Variants in KLHL29 observed in about 807,000 individuals in gnomAD.
The protein encoded by KLHL29 is kelch like family member 29.
Under a neutral mutation model 80.4 loss-of-function variants are expected in KLHL29, and 21 were observed. The ratio of observed to expected loss-of-function variants is 0.26; its 90% CI spans 0.19 to 0.38. The LOEUF is 0.38. Among genes scored for constraint, KLHL29 ranks in the 10% least tolerant of loss-of-function variants. The probability of loss-of-function intolerance (pLI) is 1.00; values close to 1 mark genes in which losing one functional copy is unlikely to be tolerated. For missense variants in KLHL29, 867 were observed against 1,223.9 expected, an observed-to-expected ratio of 0.71 and a Z score of 4.35; for synonymous variants, 511 against 526.8, an observed-to-expected ratio of 0.97 and a Z score of 0.41.
intron 5 of KLHL29, among the ~76,000 whole-genome samples, chr2:23,664,922 C>G (rs1670512495): frequency 6.6e-6 from 1 of 152,222 alleles, no homozygotes; most frequent in African/African-American, 2.4e-5. Context: ...AGGGAATCTC[C>G]CAAACAGCCT....
Position 23,662,190 on chromosome 2 carries a change from T to A in KLHL29, c.940+19340T>A, listed in dbSNP as rs115310366. 2.6e-3 allele frequency among the ~76,000 whole-genome samples: 403 copies of A among 152,202 alleles called. 4 individuals are homozygous for A. The highest frequency in any genetic ancestry group is 9.2e-3 in the African/African-American group (384 of 41,524). On this transcript the variant is annotated intron_variant, in intron 5 of 13. Coordinates refer to ENST00000486442, the MANE Select transcript of KLHL29 (RefSeq NM_052920.2). ...TTTCAGCAAAAGTAATGCTGAAAAA[T>A]TTTGACTTACAGTGATCAGCTTCAA...
intron 6 of KLHL29, 94 bp from the exon 7 acceptor site, chr2:23,691,580 C>A: frequency 9.5e-7 from 1 of 1,052,998 alleles, no homozygotes; most frequent in Non-Finnish European, 1.4e-6. Context: ...AAACCAAGGG[C>A]ATGACCAAGG....
intron 5 of KLHL29, among the ~76,000 whole-genome samples, chr2:23,659,924 G>A (rs1391268957): frequency 6.6e-6 from 1 of 152,010 alleles, no homozygotes; most frequent in African/African-American, 2.4e-5. Flanking sequence ...GCCCTCCCCT[G>A]CTTGGAGCCC....
intron 13 of KLHL29, 102 bp from the exon 14 acceptor site, chr2:23,706,379 A>AAAGGCAC: frequency 1.1e-6 from 1 of 914,712 alleles, no homozygotes; most frequent in Non-Finnish European, 1.5e-6. Context: ...GCCTTCTGCA[A>AAAGGCAC]AAGGCACAGG....
At chr2:23,389,958 T>C (rs1344451126) in intron 1 of KLHL29, among the ~76,000 whole-genome samples, 1 of 152,202 alleles carries the variant, frequency 6.6e-6, no homozygotes, top group Non-Finnish European at 1.5e-5. Context: ...TGGTCTTAAT[T>C]TTGGTTAACA....
intron 3 of KLHL29, among the ~76,000 whole-genome samples, chr2:23,602,935 G>C (rs1164599371): frequency 6.6e-6 from 1 of 152,174 alleles, no homozygotes; most frequent in East Asian, 1.9e-4. Flanking sequence ...GGACTTGCCA[G>C]CAATTCTGGG....
intron 4 of KLHL29, among the ~76,000 whole-genome samples, chr2:23,641,222 C>T (rs1013348379): frequency 6.6e-6 from 1 of 152,202 alleles, no homozygotes; most frequent in Non-Finnish European, 1.5e-5. Context: ...GCTGACCTCG[C>T]CTCTTGTGTT....
chr2:23,453,657 T>A (rs1196587852), intron 1 of KLHL29, among the ~76,000 whole-genome samples: 1 of 152,222 alleles, frequency 6.6e-6, no homozygotes, highest in African/African-American at 2.4e-5. Context: ...GACTCCGGGC[T>A]AAGGCAGGGC....
At chr2:23,618,615 G>A (rs368411293) in intron 3 of KLHL29, among the ~76,000 whole-genome samples, 4 of 152,204 alleles carry the variant, frequency 2.6e-5, no homozygotes, top group Admixed American at 1.3e-4. Context: ...ACCAGTTCCC[G>A]CTCCTGGGTC....
At chr2:23,490,181 C>CT (rs1665055629) in intron 2 of KLHL29, among the ~76,000 whole-genome samples, 1 of 152,100 alleles carries the variant, frequency 6.6e-6, no homozygotes, top group Non-Finnish European at 1.5e-5. Flanking sequence ...GTTTTTGTGC[C>CT]TTTTTACTTC....
intron 2 of KLHL29, among the ~76,000 whole-genome samples, chr2:23,539,191 G>T (rs538312175): frequency 8.4e-6 from 1 of 118,426 alleles, no homozygotes; most frequent in Non-Finnish European, 1.7e-5. Flanking sequence ...CCTGGGGATC[G>T]TACTGGTTCA....
intron 2 of KLHL29, among the ~76,000 whole-genome samples, chr2:23,537,183 G>A (rs915347772): frequency 2.0e-5 from 3 of 152,154 alleles, no homozygotes; most frequent in Non-Finnish European, 4.4e-5. Context: ...CTCGGGCTCT[G>A]TCGGCTAATT....
At chr2:23,614,845 G>A (rs770142492) in intron 3 of KLHL29, among the ~76,000 whole-genome samples, 9 of 152,176 alleles carry the variant, frequency 5.9e-5, no homozygotes, top group South Asian at 2.1e-4. Context: ...AGCAGGGACC[G>A]CAAAGCCATC....
At chr2:23,498,720 G>A (rs554982789) in intron 2 of KLHL29, among the ~76,000 whole-genome samples, 15 of 152,358 alleles carry the variant, frequency 9.8e-5, no homozygotes, top group East Asian at 1.9e-4. Context: ...AATGTGGCAC[G>A]TGTGACTGGG....
intron 3 of KLHL29, among the ~76,000 whole-genome samples, chr2:23,632,234 C>A (rs574569175): frequency 3.5e-4 from 54 of 152,368 alleles, no homozygotes; most frequent in African/African-American, 1.3e-3. Context: ...TAGCTATAAA[C>A]CTATGAGCTG....
rs1669964377 is a variant in KLHL29, at chr2:23,647,284, TATTCTG to T, written c.940+4435_940+4440del. On this transcript the variant is annotated intron_variant, in intron 5 of 13. Coordinates refer to ENST00000486442, the MANE Select transcript of KLHL29 (RefSeq NM_052920.2). The surrounding 1 kb of genome is among the most constrained non-coding windows in gnomAD (Gnocchi z 4.9). ...TTGTTCCTTCCACAGCCTCCATAAA[TATTCTG>T]GAAGAAGCTGGGAATGCATGATAAA... Among the ~76,000 whole-genome samples, 1 of 152,158 alleles carries T rather than the reference TATTCTG, an allele frequency of 6.6e-6. No homozygotes were observed. Among genetic ancestry groups the T allele is most frequent in the African/African-American group, 2.4e-5 (1 of 41,432 alleles).
intron 3 of KLHL29, among the ~76,000 whole-genome samples, chr2:23,588,600 G>A (rs1668175434): frequency 1.3e-5 from 2 of 152,242 alleles, no homozygotes; most frequent in South Asian, 2.1e-4. Context: ...CCTGCTTATA[G>A]AACAGGCAGA....
intron 1 of KLHL29, among the ~76,000 whole-genome samples, chr2:23,408,362 A>G (rs977890380): frequency 1.3e-5 from 2 of 149,134 alleles, no homozygotes; most frequent in African/African-American, 4.9e-5. Flanking sequence ...ATTGATTTAT[A>G]AAGAATTGAC....
At chr2:23,625,699 G>A (rs989044993) in intron 3 of KLHL29, among the ~76,000 whole-genome samples, 8 of 152,324 alleles carry the variant, frequency 5.3e-5, no homozygotes, top group Non-Finnish European at 8.8e-5. Context: ...TGCAGGCTGC[G>A]TGGATCTTAT....
Sources: gnomAD v4.1 joint callset for allele counts (sites outside exome capture counted in the v4.1 genomes callset) on GRCh38, gnomAD v4.1.1 for gene constraint, Gnocchi (gnomAD v3.1) non-coding constraint, MANE v1.5 for transcripts, NCBI Gene and HGNC (gene_info 2026-07-23, HGNC 2026-07-21) for gene names.